Variants in CERS6 observed in about 807,000 individuals in gnomAD.
CERS6 encodes ceramide synthase 6.
Under a neutral mutation model 56.8 loss-of-function variants are expected in CERS6, and 26 were observed. The observed-to-expected ratio is 0.46, with a 90% CI of 0.34 to 0.63. The LOEUF is 0.63. Among genes scored for constraint, CERS6 ranks in the 30% least tolerant of loss-of-function variants. The pLI is 0.01. For missense variants in CERS6, 415 were observed against 467.5 expected (o/e 0.89, Z 1.04); for synonymous variants, 164 against 173.3 (o/e 0.95, Z 0.42).
intron 4 of CERS6, among the ~76,000 whole-genome samples, chr2:168,638,478 C>G (rs1052119193): frequency 6.6e-6 from 1 of 150,792 alleles, no homozygotes; most frequent in African/African-American, 2.4e-5. Flanking sequence ...AAAACATGTA[C>G]AACTACTATA....
intron 4 of CERS6, among the ~76,000 whole-genome samples, chr2:168,641,731 A>T (rs1044952799): frequency 6.6e-6 from 1 of 152,136 alleles, no homozygotes; most frequent in African/African-American, 2.4e-5. Context: ...CATACGGTAT[A>T]ATTCAGTACT....
intron 4 of CERS6, among the ~76,000 whole-genome samples, chr2:168,670,982 G>A (rs1034427096): frequency 9.7e-5 from 2 of 20,650 alleles, no homozygotes; most frequent in South Asian, 2.3e-3. Flanking sequence ...CCCCCCCCCA[G>A]ACGGAAGCTT....
intron 8 of CERS6, among the ~76,000 whole-genome samples, chr2:168,738,918 A>G (rs890846589): frequency 2.0e-4 from 30 of 151,818 alleles, no homozygotes; most frequent in Admixed American, 1.5e-3. Context: ...ACAGAGTCTC[A>G]CTCTGTTGCC....
At chr2:168,740,356 T>C (rs562674914) in intron 8 of CERS6, among the ~76,000 whole-genome samples, 1 of 152,356 alleles carries the variant, frequency 6.6e-6, no homozygotes, top group East Asian at 1.9e-4. Flanking sequence ...ATTCTAATTA[T>C]AGAAAAATTC....
Position 168,685,715 on chromosome 2 carries a change from G to A in CERS6, c.466-5319G>A, listed in dbSNP as rs554255838. On this transcript the variant is annotated intron_variant, in intron 4 of 9. Coordinates refer to ENST00000305747, the MANE Select transcript of CERS6 (RefSeq NM_203463.3). The stretch of plus-strand genomic sequence containing the variant: ...CGATGAAGGCTTGACTTGCACCAGC[G>A]CTTCTGGCTCCTATCCTGGTGCCAG... Among the ~76,000 whole-genome samples the A allele has an allele frequency of 7.2e-5, 11 of 152,110 alleles. 2 individuals are homozygous for A. The highest frequency in any genetic ancestry group is 6.5e-4 in the Admixed American group (10 of 15,276).
chr2:168,523,081 G>T lies in CERS6; in HGVS notation c.171-24515G>T, dbSNP rs1276499179. ...TGACTAGGTGAAAACTGATGATCTTGTATAACAGAAGCATGTAGGTCAGTT... is the reference window on the plus strand; with the variant it reads ...TGACTAGGTGAAAACTGATGATCTTTTATAACAGAAGCATGTAGGTCAGTT... On this transcript the variant is annotated intron_variant, in intron 1 of 9. Coordinates refer to ENST00000305747, the MANE Select transcript of CERS6 (RefSeq NM_203463.3). Among the ~76,000 whole-genome samples the T allele has an allele frequency of 2.0e-5, 3 of 152,172 alleles. No individual in the cohort carries two copies. The South Asian group carries it at 6.2e-4, about 31-fold the overall frequency.
At chr2:168,480,620 A>C (rs1694161082) in intron 1 of CERS6, among the ~76,000 whole-genome samples, 2 of 152,200 alleles carry the variant, frequency 1.3e-5, no homozygotes, top group Admixed American at 1.3e-4. Flanking sequence ...CTTTAAGTGC[A>C]TATCTAGAGC....
At chr2:168,467,159 A>G (rs1370430576) in intron 1 of CERS6, among the ~76,000 whole-genome samples, 1 of 152,160 alleles carries the variant, frequency 6.6e-6, no homozygotes, top group East Asian at 1.9e-4. Context: ...GGAGCAGCAT[A>G]GAGTTAAGAG....
At chr2:168,466,311 A>G (rs1051254020) in intron 1 of CERS6, among the ~76,000 whole-genome samples, 2 of 152,204 alleles carry the variant, frequency 1.3e-5, no homozygotes, top group Non-Finnish European at 2.9e-5. Context: ...ATTAAAGTCA[A>G]GTCACCCTGG....
At chr2:168,731,928 A>C (rs1168720664) in intron 8 of CERS6, among the ~76,000 whole-genome samples, 1 of 152,228 alleles carries the variant, frequency 6.6e-6, no homozygotes, top group Non-Finnish European at 1.5e-5. Context: ...ACAATTTGCC[A>C]AGTCAGCATG....
At chr2:168,725,245 G>A (rs921714758) in intron 8 of CERS6, among the ~76,000 whole-genome samples, 4 of 152,266 alleles carry the variant, frequency 2.6e-5, no homozygotes, top group Admixed American at 6.5e-5. Context: ...GCCTGCAAGC[G>A]CTGCACGCAG....
rs563046531 is a variant in CERS6, at chr2:168,683,133, T to G, written c.466-7901T>G. Among the ~76,000 whole-genome samples, 3 of 152,324 alleles carry G rather than the reference T, an allele frequency of 2.0e-5. No individual in the cohort carries two copies. In the South Asian group the frequency reaches 6.2e-4, roughly 32 times the overall value. ...TCAGTACCTTTATATATGGATCTAG[T>G]TAATTTTTTACAATAAATGCTGGGT... On this transcript the variant is annotated intron_variant, in intron 4 of 9. Transcript: ENST00000305747.
intron 8 of CERS6, among the ~76,000 whole-genome samples, chr2:168,736,974 C>A (rs554825120): frequency 6.6e-6 from 1 of 152,190 alleles, no homozygotes; most frequent in East Asian, 1.9e-4. Context: ...ACTCTATTTT[C>A]GGTGGATTTG....
intron 3 of CERS6, among the ~76,000 whole-genome samples, chr2:168,609,478 A>C (rs1168195809): frequency 2.0e-5 from 3 of 152,230 alleles, no homozygotes; most frequent in African/African-American, 7.2e-5. Context: ...ATGTTTCATA[A>C]TGTCAAGAAT....
chr2:168,755,132 T>C (rs1684380256), intron 8 of CERS6, among the ~76,000 whole-genome samples: 1 of 152,206 alleles, frequency 6.6e-6, no homozygotes, highest in African/African-American at 2.4e-5. Context: ...AGATAATATG[T>C]TTTGGTTAGA....
intron 4 of CERS6, 74 bp downstream of exon 4, chr2:168,631,116 T>C: frequency 1.6e-6 from 1 of 621,024 alleles, no homozygotes. Context: ...TTTTTTAATG[T>C]GTGACTGTAA....
At chr2:168,619,100 CAT>C (rs1684396571) in intron 3 of CERS6, among the ~76,000 whole-genome samples, 2 of 152,114 alleles carry the variant, frequency 1.3e-5, no homozygotes, top group African/African-American at 2.4e-5. Context: ...GAAACAAAAA[CAT>C]AAAGTGGGGA....
intron 4 of CERS6, among the ~76,000 whole-genome samples, chr2:168,645,856 C>A (rs1685186490): frequency 6.8e-6 from 1 of 147,862 alleles, no homozygotes; most frequent in Non-Finnish European, 1.5e-5. Flanking sequence ...CATATTCCCA[C>A]AAAAGACATG....
At chr2:168,757,211 G>A (rs1170906719) in intron 8 of CERS6, among the ~76,000 whole-genome samples, 1 of 152,094 alleles carries the variant, frequency 6.6e-6, no homozygotes, top group Non-Finnish European at 1.5e-5. Flanking sequence ...CAAGCATGTT[G>A]GAATCAGGAT....
Sources: allele counts gnomAD v4.1 joint callset (sites outside exome capture counted in the v4.1 genomes callset), GRCh38; gene constraint gnomAD v4.1.1; transcripts MANE v1.5; gene names NCBI Gene and HGNC (gene_info 2026-07-23, HGNC 2026-07-21).